The following HERC3 variants were observed in gnomAD, a reference collection of about 807,000 sequenced individuals.
HERC3 encodes HECT and RLD domain containing E3 ubiquitin protein ligase 3.
In HERC3, 58 loss-of-function variants were observed where a neutral mutation model predicts 129.9. That is an observed-to-expected ratio of 0.45 (90% CI 0.36 to 0.56). The LOEUF (loss-of-function observed/expected upper bound fraction) is 0.56. Ranked by LOEUF, HERC3 falls within the 20% of genes least tolerant of loss-of-function variation. The pLI is 0.00. For synonymous variants in HERC3, 430 were observed against 451.0 expected (o/e 0.95, Z 0.59); for missense variants, 835 against 1,244.2 (o/e 0.67, Z 4.95).
the HERC3 span, chr4:88,523,963 A>G: frequency 6.5e-6 from 3 of 463,122 alleles, no homozygotes; most frequent in African/African-American, 4.1e-5. Flanking sequence ...CCAGACTACA[A>G]ACTAAACCAG....
chr4:88,652,772 T>G, intron 5 of HERC3, 97 bp from the exon 6 acceptor site: 1 of 1,299,918 alleles, frequency 7.7e-7, no homozygotes. Context: ...GGGTTTGGTG[T>G]TGGGGGGCAA....
At chr4:88,690,583 G>A (rs1332472420) in intron 23 of HERC3, 69 of 984,904 alleles carry the variant, frequency 7.0e-5, no homozygotes, top group Non-Finnish European at 8.0e-5. Flanking sequence ...AGTGCTCTGT[G>A]AGTATGATAC....
the HERC3 span, among the ~76,000 whole-genome samples, chr4:88,578,505 C>T: frequency 6.6e-6 from 1 of 151,744 alleles, no homozygotes; most frequent in African/African-American, 2.4e-5. Context: ...TTGCTTGAAC[C>T]CGGGGGGTGG....
chr4:88,697,614 C>G lies in HERC3; in HGVS notation c.2658-6484C>G, dbSNP rs757167367. ...GGGGCTCCTCAGCCATCTGACCAGC[C>G]GCGCTGTCAGGGTCACCAGCCGCGC... On this transcript the variant is annotated intron_variant, in intron 23 of 25. Coordinates refer to ENST00000402738, the MANE Select transcript of HERC3 (RefSeq NM_014606.3). The G allele has an allele frequency of 3.1e-6, 5 of 1,609,276 alleles. No individual in the cohort carries two copies. In the South Asian group the frequency reaches 5.5e-5, roughly 18 times the overall value.
the HERC3 span, among the ~76,000 whole-genome samples, chr4:88,585,869 A>G: frequency 6.6e-6 from 1 of 152,208 alleles, no homozygotes; most frequent in African/African-American, 2.4e-5. Context: ...TATTTCACAT[A>G]TATCAGTAAT....
intron 3 of HERC3, among the ~76,000 whole-genome samples, chr4:88,640,808 T>C (rs1219122850): frequency 6.6e-6 from 1 of 152,138 alleles, no homozygotes; most frequent in East Asian, 1.9e-4. Context: ...ACAACTGAGC[T>C]TCAAAATACT....
chr4:88,704,859 C>CTTTCTT (rs1435162864), intron 25 of HERC3, among the ~76,000 whole-genome samples: 6 of 124,888 alleles, frequency 4.8e-5, no homozygotes, highest in African/African-American at 2.0e-4. Context: ...TCTTTTCTTT[C>CTTTCTT]TTTCTTTTTT....
the HERC3 span, among the ~76,000 whole-genome samples, chr4:88,540,702 T>C: frequency 2.0e-5 from 3 of 152,140 alleles, no homozygotes; most frequent in Non-Finnish European, 4.4e-5. Context: ...GAGAGAAAGG[T>C]CGGGTTACCC....
At chr4:88,663,701 C>T (rs920215054) in intron 11 of HERC3, among the ~76,000 whole-genome samples, 4 of 152,178 alleles carry the variant, frequency 2.6e-5, no homozygotes, top group African/African-American at 9.7e-5. Context: ...GCACTTGTTT[C>T]ACTATTTTTT....
upstream of HERC3, among the ~76,000 whole-genome samples, chr4:88,590,585 C>A (rs946416315): frequency 1.3e-5 from 2 of 152,052 alleles, no homozygotes; most frequent in South Asian, 4.1e-4. Context: ...AAAACAACAA[C>A]AAAAAAAGAA....
chr4:88,653,234 T>C (rs1171085335), intron 6 of HERC3, 144 bp downstream of exon 6: 2 of 792,146 alleles, frequency 2.5e-6, no homozygotes, highest in African/African-American at 3.5e-5. Context: ...CTCGTCTTAG[T>C]GGAGACTGTA....
At chr4:88,655,041 A>G in intron 7 of HERC3, 133 bp from the exon 8 acceptor site, 2 of 715,260 alleles carry the variant, frequency 2.8e-6, no homozygotes, top group East Asian at 5.5e-5. Context: ...CATCCTTACA[A>G]AGTGATTTTG....
intron 3 of HERC3, among the ~76,000 whole-genome samples, chr4:88,630,477 A>C (rs909357891): frequency 1.3e-5 from 2 of 152,182 alleles, no homozygotes; most frequent in African/African-American, 4.8e-5. Context: ...ATTAAGATAC[A>C]TGAAACTGCC....
intron 2 of HERC3, among the ~76,000 whole-genome samples, chr4:88,597,572 C>T (rs963012099): frequency 2.6e-5 from 4 of 152,094 alleles, no homozygotes; most frequent in Non-Finnish European, 5.9e-5. Context: ...CTATGAGGGC[C>T]CTGGCTGTTG....
intron 3 of HERC3, among the ~76,000 whole-genome samples, chr4:88,613,229 ATCT>A (rs1250097985): frequency 2.0e-5 from 3 of 152,336 alleles, no homozygotes; most frequent in East Asian, 1.9e-4. Context: ...ATACCAGGAA[ATCT>A]TCTTATAGCA....
intron 21 of HERC3, among the ~76,000 whole-genome samples, 197 bp from the exon 22 acceptor site, chr4:88,686,539 A>C (rs751692074): frequency 7.9e-5 from 12 of 152,210 alleles, no homozygotes; most frequent in Non-Finnish European, 1.8e-4. Flanking sequence ...TAATTAATGA[A>C]TGTTTTATAG....
intron 17 of HERC3, 29 bp from the exon 18 acceptor site, chr4:88,676,305 A>C: frequency 6.4e-7 from 1 of 1,572,334 alleles, no homozygotes; most frequent in Non-Finnish European, 8.8e-7. Flanking sequence ...GGAATAGTAT[A>C]ATACTGTCAA....
chr4:88,673,809 A>T (rs942041150), intron 16 of HERC3, among the ~76,000 whole-genome samples: 3 of 152,220 alleles, frequency 2.0e-5, no homozygotes, highest in Non-Finnish European at 4.4e-5. Flanking sequence ...AAGTCTGTGG[A>T]TGTATAAGCA....
chr4:88,651,408 A>T (rs1002735087), intron 4 of HERC3, among the ~76,000 whole-genome samples: 1 of 152,214 alleles, frequency 6.6e-6, no homozygotes, highest in South Asian at 2.1e-4. Flanking sequence ...TTGGATTCCA[A>T]TACTGGCTCT....
Sources: gnomAD v4.1 joint callset for allele counts (sites outside exome capture counted in the v4.1 genomes callset) on GRCh38, gnomAD v4.1.1 for gene constraint, MANE v1.5 for transcripts, NCBI Gene and HGNC (gene_info 2026-07-23, HGNC 2026-07-21) for gene names.